Variants in GABRA4 observed in about 807,000 individuals in gnomAD.
GABRA4 encodes gamma-aminobutyric acid type A receptor subunit alpha4.
GABRA4 carries 12 observed loss-of-function variants against 49.7 expected under a neutral mutation model. That is an observed-to-expected ratio of 0.24 (90% CI 0.15 to 0.39). GABRA4 has a LOEUF of 0.39. Among genes scored for constraint, GABRA4 ranks in the 10% least tolerant of loss-of-function variants. GABRA4 has a pLI of 1.00. For missense variants in GABRA4, 506 were observed against 686.0 expected (o/e 0.74, Z 2.93); for synonymous variants, 288 against 240.2 (o/e 1.20, Z -1.84).
chr4:46,955,224 A>G (rs2109362578), intron 8 of GABRA4, among the ~76,000 whole-genome samples: 1 of 152,210 alleles, frequency 6.6e-6, no homozygotes, highest in South Asian at 2.1e-4. Flanking sequence ...ACCCTACCAT[A>G]TTATACTATG....
At chr4:46,977,857 AT>A (rs1375184684) in intron 3 of GABRA4, among the ~76,000 whole-genome samples, 2 of 152,096 alleles carry the variant, frequency 1.3e-5, no homozygotes, top group African/African-American at 4.8e-5. Flanking sequence ...CATAAGATAA[AT>A]AAATTACCAC....
At chr4:46,969,191 T>C (rs1443942966) in intron 7 of GABRA4, among the ~76,000 whole-genome samples, 3 of 151,482 alleles carry the variant, frequency 2.0e-5, no homozygotes, top group Non-Finnish European at 4.4e-5. Flanking sequence ...TATGACACTA[T>C]CACCTCTTGA....
At chr4:46,990,458 C>A (rs75435669) in intron 2 of GABRA4, among the ~76,000 whole-genome samples, 2 of 152,290 alleles carry the variant, frequency 1.3e-5, no homozygotes, top group East Asian at 3.9e-4. Context: ...TTACAGCTTG[C>A]ATTATAGCCA....
At chr4:46,972,340 T>G (rs1577783257) in intron 6 of GABRA4, among the ~76,000 whole-genome samples, 1 of 151,638 alleles carries the variant, frequency 6.6e-6, no homozygotes, top group East Asian at 1.9e-4. Context: ...GAAGAGACAG[T>G]GGGCTAAATT....
chr4:46,950,586 G>T (rs574989655), intron 8 of GABRA4, among the ~76,000 whole-genome samples: 209 of 151,702 alleles, frequency 1.4e-3, no homozygotes, highest in Non-Finnish European at 2.1e-3. Context: ...ATAAAATTTA[G>T]CTTTTCTCAA....
At chr4:46,960,629 G>A (rs868365663) in intron 8 of GABRA4, among the ~76,000 whole-genome samples, 10 of 151,128 alleles carry the variant, frequency 6.6e-5, no homozygotes, top group African/African-American at 2.4e-4. Flanking sequence ...ATAATTCTTA[G>A]TTCACAGATA....
chr4:46,987,190 C>A (rs1366296672), intron 2 of GABRA4, among the ~76,000 whole-genome samples: 1 of 152,040 alleles, frequency 6.6e-6, no homozygotes, highest in Non-Finnish European at 1.5e-5. Context: ...CCCTTTTATG[C>A]CTCAGCCCTG....
rs1394262143 is a variant in GABRA4 at position 46,933,895 on chromosome 4, T to TA, written c.1135-5141dup. ...AAGCAAGAAAAGAGATGCAAGGTGG[T>TA]AGATTTAAACATTACCAACAAATTA... is the stretch of plus-strand genomic sequence containing the variant. On this transcript the variant is annotated intron_variant, in intron 8 of 8. Transcript: ENST00000264318. Among the ~76,000 whole-genome samples the TA allele has an allele frequency of 2.0e-5, 3 of 152,286 alleles. No individual in the cohort carries two copies. In the East Asian group the frequency reaches 5.8e-4, roughly 29 times the overall value.
chr4:46,944,077 T>A (rs2109350830), intron 8 of GABRA4, among the ~76,000 whole-genome samples: 1 of 152,110 alleles, frequency 6.6e-6, no homozygotes, highest in African/African-American at 2.4e-5. Flanking sequence ...GGGACTACGG[T>A]TAATCATACT....
chr4:46,961,825 T>C (rs1274420484), intron 8 of GABRA4, among the ~76,000 whole-genome samples: 1 of 150,954 alleles, frequency 6.6e-6, no homozygotes, highest in East Asian at 2.0e-4. Flanking sequence ...AGGAGATAGG[T>C]GAGTAGTGGA....
chr4:46,960,270 T>C (rs1258081690), intron 8 of GABRA4, among the ~76,000 whole-genome samples: 2 of 151,668 alleles, frequency 1.3e-5, no homozygotes, highest in East Asian at 1.9e-4. Context: ...TTGAATATCA[T>C]AGCATTAAAA....
intron 2 of GABRA4, among the ~76,000 whole-genome samples, chr4:46,987,828 AT>A (rs1314796542): frequency 6.6e-6 from 1 of 152,056 alleles, no homozygotes; most frequent in Non-Finnish European, 1.5e-5. Context: ...AAGATGGAGC[AT>A]TTTTCACTCT....
chr4:46,977,306 AAGGG>A, intron 4 of GABRA4, 100 bp downstream of exon 4: 1 of 485,988 alleles, frequency 2.1e-6, no homozygotes, highest in Non-Finnish European at 3.6e-6. Flanking sequence ...GGGAGGGAGG[AAGGG>A]AGGGAGGAAG....
At chr4:46,930,701 A>G (rs919731692) in intron 8 of GABRA4, among the ~76,000 whole-genome samples, 2 of 151,914 alleles carry the variant, frequency 1.3e-5, no homozygotes, top group Non-Finnish European at 2.9e-5. Context: ...TAGGTTGTCC[A>G]TGACCTTTAG....
In GABRA4 at chr4:46,924,851, A is replaced by C. The variant is rs1009005831; in HGVS notation, c.*3374T>G. On this transcript the variant is annotated 3_prime_UTR_variant, in exon 9 of 9. Coordinates refer to ENST00000264318, the MANE Select transcript of GABRA4 (RefSeq NM_000809.4). ...AAACTGAAAAGCTCTTAGATATTAC[A>C]TAATCCACCTCCTCCCTGTTATAAA... The C allele has an allele frequency of 6.6e-6, 1 of 152,036 alleles. No individual in the cohort carries two copies. The highest frequency in any genetic ancestry group is 2.4e-5 in the African/African-American group (1 of 41,446). 9.4% of individuals were successfully genotyped at this position (152,036 alleles called of 1,614,324 possible).
chr4:46,943,983 G>A (rs1560466523), intron 8 of GABRA4, among the ~76,000 whole-genome samples: 1 of 152,038 alleles, frequency 6.6e-6, no homozygotes, highest in South Asian at 2.1e-4. Flanking sequence ...GTGGGCCAGG[G>A]GGGAATGAGG....
chr4:46,976,564 C>T (rs1354430021), intron 5 of GABRA4, among the ~76,000 whole-genome samples: 2 of 151,634 alleles, frequency 1.3e-5, no homozygotes, highest in Admixed American at 6.6e-5. Flanking sequence ...AACAGTGCTG[C>T]TTCTGTCATT....
At position 46,919,075 on chromosome 4, in the gene GABRA4, A is replaced by G. The variant is rs1211251017; in HGVS notation, c.*9150T>C. The G allele has an allele frequency of 2.6e-5, 4 of 151,518 alleles. No individual in the cohort carries two copies. Among genetic ancestry groups the G allele is most frequent in the African/African-American group, 9.7e-5 (4 of 41,408 alleles). 9.4% of individuals were successfully genotyped at this position (151,518 alleles called of 1,614,324 possible). A position where few individuals can be genotyped will look rare whatever the true frequency, so the allele number is the denominator to read the frequency against. On this transcript the variant is annotated 3_prime_UTR_variant, in exon 9 of 9. Coordinates refer to ENST00000264318, the MANE Select transcript of GABRA4 (RefSeq NM_000809.4). ...TAAATCCTTACTATTTTAAAGACTCATTTTCCAGTGAGAAATTGAGACCTG... is the reference window on the plus strand; with the variant it reads ...TAAATCCTTACTATTTTAAAGACTCGTTTTCCAGTGAGAAATTGAGACCTG...
At chr4:46,974,111 C>CT (rs1281828603) in intron 6 of GABRA4, 121 bp downstream of exon 6, 5 of 935,674 alleles carry the variant, frequency 5.3e-6, no homozygotes, top group African/African-American at 3.3e-5. Flanking sequence ...TGCATCAACT[C>CT]TATTTCTGGA....
Sources: allele counts gnomAD v4.1 joint callset (sites outside exome capture counted in the v4.1 genomes callset), GRCh38; gene constraint gnomAD v4.1.1; transcripts MANE v1.5; gene names NCBI Gene and HGNC (gene_info 2026-07-23, HGNC 2026-07-21).